The following PIGN variants were observed in gnomAD, a reference collection of about 807,000 sequenced individuals.
PIGN encodes the protein phosphatidylinositol glycan anchor biosynthesis class N, also known as GPI ethanolamine phosphate transferase 1.
A neutral mutation model predicts 125.4 loss-of-function variants in PIGN; 117 were observed. That is an observed-to-expected ratio of 0.93 (90% CI 0.80 to 1.09). The LOEUF is 1.09. Ranked by LOEUF, PIGN falls within the 50% of genes least tolerant of loss-of-function variation. PIGN has a pLI of 0.00. For synonymous variants in PIGN, 392 were observed against 377.8 expected, an observed-to-expected ratio of 1.04 and a Z score of -0.44; for missense variants, 1,075 against 1,094.9, an observed-to-expected ratio of 0.98 and a Z score of 0.26.
At chr18:62,019,897 G>T (rs970334665) in intron 23 of PIGN, among the ~76,000 whole-genome samples, 4 of 152,242 alleles carry the variant, frequency 2.6e-5, no homozygotes, top group African/African-American at 9.6e-5. Flanking sequence ...TCCAGACTGT[G>T]GCACAGGGAG....
In PIGN at chr18:62,082,689, G is replaced by C; in HGVS notation, c.2560C>G (p.Gln854Glu). The C allele has an allele frequency of 6.5e-7, 1 of 1,540,502 alleles. No individual in the cohort carries two copies. The change falls in exon 28 of 31, where the codon CAG becomes GAG. Residue 854 changes from glutamine to glutamate, a missense_variant. Gln to Glu is a conservative substitution (Grantham distance 29, BLOSUM62 2). Coordinates refer to ENST00000640252, the MANE Select transcript of PIGN (RefSeq NM_176787.5). ...TCATCTTACCTTTTTGACGATAACT[G>C]AGTAGTCAACTGAACTGCTTCAAAA... ...CAFEAVQLTTQLSSKSLFLIV... is the reference protein window; with the variant it reads ...CAFEAVQLTTELSSKSLFLIV...
chr18:62,070,730 A>C (rs1257441279), intron 30 of PIGN, among the ~76,000 whole-genome samples: 1 of 152,208 alleles, frequency 6.6e-6, no homozygotes, highest in African/African-American at 2.4e-5. Flanking sequence ...GGTTATGGCA[A>C]TCATTGAAAT....
At chr18:62,034,409 A>G (rs190740001) in intron 23 of PIGN, among the ~76,000 whole-genome samples, 1 of 152,276 alleles carries the variant, frequency 6.6e-6, no homozygotes, top group African/African-American at 2.4e-5. Context: ...ACTGTCCTCC[A>G]GACCCCAGAA....
rs146097385 is a variant in PIGN at position 62,157,496 on chromosome 18, A to G, written c.343+191T>C. Among the ~76,000 whole-genome samples the G allele has an allele frequency of 1.5e-3, 234 of 152,350 alleles. 1 individual carries two copies. The highest frequency in any genetic ancestry group is 5.2e-3 in the African/African-American group (218 of 41,562). On this transcript the variant is annotated intron_variant, in intron 5 of 30. Coordinates refer to ENST00000640252, the MANE Select transcript of PIGN (RefSeq NM_176787.5). ...CCAACCCAAATTCTTTCAATAACACAGGATAATGAAATACTAAAGTTTCAA... is the reference window on the plus strand; with the variant it reads ...CCAACCCAAATTCTTTCAATAACACGGGATAATGAAATACTAAAGTTTCAA...
At chr18:62,080,403 C>T (rs779449564) in intron 28 of PIGN, among the ~76,000 whole-genome samples, 7 of 152,200 alleles carry the variant, frequency 4.6e-5, no homozygotes, top group Admixed American at 6.5e-5. Context: ...AATTGTGACA[C>T]TTTTGGCAGG....
chr18:62,143,548 G>C (rs966786221), intron 10 of PIGN, among the ~76,000 whole-genome samples: 1 of 152,088 alleles, frequency 6.6e-6, no homozygotes, highest in Non-Finnish European at 1.5e-5. Flanking sequence ...TAAATATTTG[G>C]TGTTTCCTGT....
rs572194979 is a variant in PIGN, at chr18:62,055,492, T to C, written c.2673-9513A>G. Among the ~76,000 whole-genome samples, 218 of 151,906 alleles carry C rather than the reference T, an allele frequency of 1.4e-3. 1 individual carries two copies. The highest frequency in any genetic ancestry group is 7.9e-3 in the South Asian group (38 of 4,794). On this transcript the variant is annotated intron_variant, in intron 30 of 30. Coordinates refer to ENST00000640252, the MANE Select transcript of PIGN (RefSeq NM_176787.5). Reference sequence around the variant, plus strand: ...AAATGTTGCCAGGGGTTAAGGAGGGTTTCTGGGTGGGAGGGAAGTGCCTGG... The same window carrying C: ...AAATGTTGCCAGGGGTTAAGGAGGGCTTCTGGGTGGGAGGGAAGTGCCTGG...
At chr18:62,046,261 A>G (rs184609007) in intron 30 of PIGN, among the ~76,000 whole-genome samples, 2 of 152,134 alleles carry the variant, frequency 1.3e-5, no homozygotes, top group Admixed American at 1.3e-4. Context: ...GTATTTGCAT[A>G]TAAGCTATGT....
intron 30 of PIGN, among the ~76,000 whole-genome samples, chr18:62,066,202 T>C (rs971959395): frequency 3.3e-5 from 5 of 152,216 alleles, no homozygotes; most frequent in African/African-American, 9.6e-5. Context: ...TTTTCAACTG[T>C]GCAGTTTGGC....
chr18:62,061,701 A>G (rs1431676197), intron 30 of PIGN, among the ~76,000 whole-genome samples: 1 of 152,124 alleles, frequency 6.6e-6, no homozygotes, highest in Non-Finnish European at 1.5e-5. Flanking sequence ...TAACCCCGGC[A>G]CCTGTGAAGG....
chr18:62,078,242 G>C (rs1204252423), intron 28 of PIGN, among the ~76,000 whole-genome samples: 1 of 152,196 alleles, frequency 6.6e-6, no homozygotes, highest in Non-Finnish European at 1.5e-5. Flanking sequence ...ATTCTGGAGA[G>C]TGGAGCAGTT....
chr18:62,160,147 A>C (rs561934233), intron 4 of PIGN, among the ~76,000 whole-genome samples: 32 of 152,252 alleles, frequency 2.1e-4, no homozygotes, highest in African/African-American at 2.4e-5. Flanking sequence ...ACAGAGTAAA[A>C]TGATAGGAGG....
intron 24 of PIGN, among the ~76,000 whole-genome samples, chr18:62,090,213 T>C (rs996494631): frequency 1.3e-5 from 2 of 152,188 alleles, no homozygotes; most frequent in Non-Finnish European, 1.5e-5. Context: ...CCTTCACTTA[T>C]ATTGACTTTT....
intron 30 of PIGN, among the ~76,000 whole-genome samples, chr18:62,060,942 A>C (rs1157771166): frequency 6.6e-6 from 1 of 152,222 alleles, no homozygotes; most frequent in African/African-American, 2.4e-5. Context: ...AGATCAAAAG[A>C]AGAAAATACT....
At position 62,074,777 on chromosome 18, in the gene PIGN, A is replaced by G. The variant is rs758644185; in HGVS notation, c.2619+2T>C. ...TATATGGACTACCCAGTAATGCCTT[A>G]CCAAAGCCATAATGTCTGATATGAC... On this transcript the variant is annotated splice_donor_variant, in intron 29 of 30. Coordinates refer to ENST00000640252, the MANE Select transcript of PIGN (RefSeq NM_176787.5). LOFTEE classifies it high-confidence loss of function. The G allele has an allele frequency of 3.8e-6, 6 of 1,599,730 alleles. No individual in the cohort carries two copies. The South Asian group carries it at 6.7e-5, about 18-fold the overall frequency.
At chr18:62,140,230 C>T (rs770773144) in intron 12 of PIGN, among the ~76,000 whole-genome samples, 190 bp downstream of exon 12, 1 of 151,670 alleles carries the variant, frequency 6.6e-6, no homozygotes, top group South Asian at 2.1e-4. Context: ...GCCTGTAATC[C>T]CAGACACTTG....
rs916017268 is a variant in PIGN, at chr18:62,065,464, C to T, written c.2672+7209G>A. On this transcript the variant is annotated intron_variant, in intron 30 of 30. Transcript: ENST00000640252. ...AATTAAAAAGACAGGCTTGGCGGGGCGTGGTGGCTCACGCCTGTAATCCCA... is the reference window on the plus strand; with the variant it reads ...AATTAAAAAGACAGGCTTGGCGGGGTGTGGTGGCTCACGCCTGTAATCCCA... Among the ~76,000 whole-genome samples the T allele has an allele frequency of 1.2e-4, 19 of 152,146 alleles. No homozygotes were observed. In the East Asian group the frequency reaches 2.3e-3, roughly 19 times the overall value.
At chr18:62,154,488 T>TTTTA (rs1472566695) in intron 7 of PIGN, 57 bp downstream of exon 7, 1 of 824,762 alleles carries the variant, frequency 1.2e-6, no homozygotes, top group Non-Finnish European at 2.1e-6. Flanking sequence ...GGATACAGTC[T>TTTTA]CCAATACTTC....
intron 30 of PIGN, among the ~76,000 whole-genome samples, chr18:62,067,392 A>G (rs1345950281): frequency 6.6e-6 from 1 of 152,214 alleles, no homozygotes; most frequent in Non-Finnish European, 1.5e-5. Context: ...CCGATTATTG[A>G]CAAATGCTAC....
Sources: allele counts gnomAD v4.1 joint callset (sites outside exome capture counted in the v4.1 genomes callset), GRCh38; gene constraint gnomAD v4.1.1; transcripts MANE v1.5; gene names NCBI Gene and HGNC (gene_info 2026-07-23, HGNC 2026-07-21).